The following CERS6 variants were observed in gnomAD, a reference collection of about 807,000 sequenced individuals.
CERS6 encodes LAG1 homolog, ceramide synthase 6.
In CERS6, 26 loss-of-function variants were observed where a neutral mutation model predicts 56.8. The ratio of observed to expected loss-of-function variants is 0.46; its 90% confidence interval spans 0.34 to 0.63. The LOEUF (loss-of-function observed/expected upper bound fraction) is 0.63. CERS6 is among the 30% of genes least tolerant of loss of function. CERS6 has a pLI of 0.01. For synonymous variants in CERS6, 164 were observed against 173.3 expected (o/e 0.95, Z 0.42); for missense variants, 415 against 467.5 (o/e 0.89, Z 1.04).
intron 9 of CERS6, among the ~76,000 whole-genome samples, chr2:168,768,306 C>G (rs747831698): frequency 6.6e-6 from 1 of 151,446 alleles, no homozygotes; most frequent in Non-Finnish European, 1.5e-5. Flanking sequence ...CTTGGCTCAC[C>G]GCAACCTCCA....
intron 4 of CERS6, among the ~76,000 whole-genome samples, chr2:168,677,726 A>G (rs1212581557): frequency 1.1e-4 from 16 of 151,718 alleles, no homozygotes; most frequent in Non-Finnish European, 2.1e-4. Context: ...CAAACTCCCA[A>G]CCTCAGGTGT....
At chr2:168,623,291 A>G (rs1420020679) in intron 3 of CERS6, among the ~76,000 whole-genome samples, 2 of 152,118 alleles carry the variant, frequency 1.3e-5, no homozygotes, top group African/African-American at 4.8e-5. Flanking sequence ...AAAGATAACA[A>G]ACTTGTAGTT....
chr2:168,511,756 A>G (rs572087667), intron 1 of CERS6, among the ~76,000 whole-genome samples: 1 of 152,330 alleles, frequency 6.6e-6, no homozygotes, highest in East Asian at 1.9e-4. Context: ...TTTGGAGTAT[A>G]ATTTACATAC....
chr2:168,507,447 T>G (rs541858891), intron 1 of CERS6, among the ~76,000 whole-genome samples: 1 of 150,908 alleles, frequency 6.6e-6, no homozygotes, highest in Non-Finnish European at 1.5e-5. Flanking sequence ...TTCTGGTGTT[T>G]CCTCATGACT....
Position 168,619,855 on chromosome 2 carries a change from A to T in CERS6, c.408-11130A>T, listed in dbSNP as rs140057276. Reference sequence around the variant, plus strand: ...GGTATCTACCCAAGGAAAAGAAGTCATTATGTGAAAAAGATACTTGCACAC... The same window carrying T: ...GGTATCTACCCAAGGAAAAGAAGTCTTTATGTGAAAAAGATACTTGCACAC... On this transcript the variant is annotated intron_variant, in intron 3 of 9. Transcript: ENST00000305747. Among the ~76,000 whole-genome samples, 580 of 151,834 alleles carry T rather than the reference A, an allele frequency of 3.8e-3. 3 individuals are homozygous for T. The highest frequency in any genetic ancestry group is 0.013 in the African/African-American group (555 of 41,464).
chr2:168,663,763 A>G (rs1425490821), intron 4 of CERS6, among the ~76,000 whole-genome samples: 2 of 126,126 alleles, frequency 1.6e-5, no homozygotes, highest in East Asian at 4.2e-4. Flanking sequence ...TATATGTAAT[A>G]TATACTTTAA....
intron 1 of CERS6, among the ~76,000 whole-genome samples, chr2:168,503,846 G>C (rs1174388426): frequency 6.6e-6 from 1 of 152,172 alleles, no homozygotes; most frequent in Non-Finnish European, 1.5e-5. Flanking sequence ...AAAGCATATA[G>C]AAGTTGTGCC....
intron 4 of CERS6, among the ~76,000 whole-genome samples, chr2:168,661,063 G>C (rs1242133179): frequency 6.6e-6 from 1 of 152,044 alleles, no homozygotes; most frequent in African/African-American, 2.4e-5. Flanking sequence ...GGAGGGGGTG[G>C]GGCAGTTCAT....
intron 4 of CERS6, among the ~76,000 whole-genome samples, chr2:168,643,344 T>C (rs535281540): frequency 2.0e-5 from 3 of 152,328 alleles, no homozygotes; most frequent in Admixed American, 2.0e-4. Context: ...TAATTTATAA[T>C]TTTGTTGTTG....
rs114545171 is a variant in CERS6, at chr2:168,558,445, T to C, written c.277-2747T>C. 8.8e-3 allele frequency among the ~76,000 whole-genome samples: 1,345 copies of C among 152,308 alleles called. 23 individuals are homozygous for C. Among genetic ancestry groups the C allele is most frequent in the African/African-American group, 0.029 (1,222 of 41,570 alleles). ...TTCTATATATAGTGAAAAGGAAATA[T>C]TGCAATATACATTGTAAGGTAAAAA... is the stretch of plus-strand genomic sequence containing the variant. On this transcript the variant is annotated intron_variant, in intron 2 of 9. Transcript: ENST00000305747.
chr2:168,531,864 C>T (rs1006021081), intron 1 of CERS6, among the ~76,000 whole-genome samples: 21 of 151,482 alleles, frequency 1.4e-4, no homozygotes, highest in Admixed American at 1.4e-3. Context: ...GACGAGGGCA[C>T]CTTCTGATGT....
chr2:168,559,947 A>G (rs904757672), intron 2 of CERS6, among the ~76,000 whole-genome samples: 8 of 151,620 alleles, frequency 5.3e-5, no homozygotes, highest in Non-Finnish European at 8.8e-5. Context: ...CCCTCATGTG[A>G]TTGTTGGCTA....
At chr2:168,656,139 T>C (rs1393910855) in intron 4 of CERS6, among the ~76,000 whole-genome samples, 4 of 152,226 alleles carry the variant, frequency 2.6e-5, no homozygotes, top group Non-Finnish European at 4.4e-5. Flanking sequence ...AGATTCTGCC[T>C]GGATGGTGGC....
chr2:168,497,470 G>A (rs1165807203), intron 1 of CERS6, among the ~76,000 whole-genome samples: 1 of 152,210 alleles, frequency 6.6e-6, no homozygotes, highest in East Asian at 1.9e-4. Context: ...CAGAGGAATG[G>A]GAATACCATA....
intron 1 of CERS6, among the ~76,000 whole-genome samples, chr2:168,481,984 A>G (rs1384931924): frequency 1.3e-5 from 2 of 152,244 alleles, no homozygotes; most frequent in Non-Finnish European, 2.9e-5. Context: ...AACATTTTTC[A>G]AAGACTTTCA....
In CERS6 at chr2:168,772,115, A is replaced by G. The variant is rs1262731172; in HGVS notation, c.*2453A>G. On this transcript the variant is annotated 3_prime_UTR_variant, in exon 10 of 10. Transcript: ENST00000305747. ...GCTGAGAGAGAAAAATATGTGCAGT[A>G]TCTCATCCTCCCCCTGTACCAGGCC... The G allele has an allele frequency of 6.6e-6, 1 of 152,350 alleles. No homozygotes were observed. The highest frequency in any genetic ancestry group is 2.4e-5 in the African/African-American group (1 of 41,578). The allele number at this position is 152,350 out of a possible 1,614,324, so 9.4% of individuals were successfully genotyped here. A position where few individuals can be genotyped will look rare whatever the true frequency, so the allele number is the denominator to read the frequency against.
intron 3 of CERS6, among the ~76,000 whole-genome samples, chr2:168,566,441 C>T (rs1471166307): frequency 2.6e-5 from 4 of 152,142 alleles, no homozygotes; most frequent in Admixed American, 1.3e-4. Flanking sequence ...GGGACCCTTT[C>T]GAAACTGTGA....
chr2:168,714,803 C>T (rs1687186910), intron 6 of CERS6, among the ~76,000 whole-genome samples, 198 bp from the exon 7 acceptor site: 1 of 152,158 alleles, frequency 6.6e-6, no homozygotes, highest in East Asian at 1.9e-4. Context: ...TGATCTTGGG[C>T]TTCCACTGAT....
intron 1 of CERS6, among the ~76,000 whole-genome samples, chr2:168,486,436 C>G (rs1332323600): frequency 6.6e-6 from 1 of 151,586 alleles, no homozygotes; most frequent in Non-Finnish European, 1.5e-5. Context: ...CTGTTATCTT[C>G]CAGGAGTTTT....
Sources: gnomAD v4.1 joint callset for allele counts (sites outside exome capture counted in the v4.1 genomes callset) on GRCh38, gnomAD v4.1.1 for gene constraint, MANE v1.5 for transcripts, NCBI Gene and HGNC (gene_info 2026-07-23, HGNC 2026-07-21) for gene names.